Variants in L3MBTL4 observed in about 807,000 individuals in gnomAD.
L3MBTL4 encodes the protein L3MBTL histone methyl-lysine binding protein 4.
L3MBTL4 carries 70 observed loss-of-function variants against 84.5 expected under a neutral mutation model. The ratio of observed to expected loss-of-function variants is 0.83; its 90% confidence interval spans 0.68 to 1.01. The LOEUF (loss-of-function observed/expected upper bound fraction) is 1.01. L3MBTL4 is among the 50% of genes least tolerant of loss of function. The probability of loss-of-function intolerance (pLI) is 0.00; values close to 1 mark genes in which losing one functional copy is unlikely to be tolerated. For missense variants in L3MBTL4, 715 were observed against 754.8 expected (o/e 0.95, Z 0.62); for synonymous variants, 274 against 259.8 (o/e 1.05, Z -0.52).
chr18:6,002,027 A>T (rs1436880873), intron 16 of L3MBTL4, among the ~76,000 whole-genome samples: 1 of 152,224 alleles, frequency 6.6e-6, no homozygotes, highest in Non-Finnish European at 1.5e-5. Flanking sequence ...AATACAAAGA[A>T]GGAATCCTGA....
intron 17 of L3MBTL4, among the ~76,000 whole-genome samples, chr18:5,967,649 C>T (rs1015070498): frequency 5.3e-5 from 8 of 152,218 alleles, no homozygotes; most frequent in Non-Finnish European, 8.8e-5. Context: ...CAAGTGAGTG[C>T]GAGGTCAGGC....
intron 4 of L3MBTL4, among the ~76,000 whole-genome samples, chr18:6,268,407 C>CAAA (rs374801819): frequency 4.0e-5 from 6 of 148,278 alleles, no homozygotes; most frequent in African/African-American, 1.5e-4. Context: ...AACTCTGTCT[C>CAAA]AAAAAAAAAA....
intron 10 of L3MBTL4, among the ~76,000 whole-genome samples, chr18:6,227,615 C>A (rs2046830427): frequency 6.6e-6 from 1 of 152,094 alleles, no homozygotes; most frequent in African/African-American, 2.4e-5. Context: ...ATTTCCAATT[C>A]ATTTGTGAGA....
At chr18:6,189,807 C>A (rs946058832) in intron 12 of L3MBTL4, among the ~76,000 whole-genome samples, 5 of 151,966 alleles carry the variant, frequency 3.3e-5, no homozygotes, top group Non-Finnish European at 7.4e-5. Context: ...GCATAAAAGA[C>A]AGATCAATAG....
At position 6,244,574 on chromosome 18, in the gene L3MBTL4, T is replaced by C; in HGVS notation, c.234A>G (p.Pro78=). 2 of 1,611,470 alleles carry C rather than the reference T, an allele frequency of 1.2e-6. No individual in the cohort carries two copies. Among genetic ancestry groups the C allele is most frequent in the South Asian group, 2.2e-5 (2 of 90,988 alleles). ...VELFSKDQSF[P]EHENGFQIGM... ...CAATCTGAAAACCATTTTCATGCTC[T>C]GGAAAGGACTGATCCTACAAAATTT... The change falls in exon 6 of 19, where the codon CCA becomes CCG. Residue 78 remains proline (P), a synonymous_variant. Coordinates refer to ENST00000317931, the MANE Select transcript of L3MBTL4 (RefSeq NM_001330559.2).
At chr18:6,120,260 C>A (rs927388644) in intron 14 of L3MBTL4, among the ~76,000 whole-genome samples, 1 of 152,170 alleles carries the variant, frequency 6.6e-6, no homozygotes, top group Non-Finnish European at 1.5e-5. Context: ...AGCCCAGGGG[C>A]CCGGGGCCTG....
intron 13 of L3MBTL4, among the ~76,000 whole-genome samples, chr18:6,162,689 A>C (rs950386693): frequency 6.6e-6 from 1 of 152,232 alleles, no homozygotes; most frequent in Non-Finnish European, 1.5e-5. Context: ...AAGACACAGT[A>C]AAAGGGTGGT....
chr18:6,102,305 C>T (rs545720105), intron 14 of L3MBTL4, among the ~76,000 whole-genome samples: 2 of 152,160 alleles, frequency 1.3e-5, no homozygotes, highest in African/African-American at 4.8e-5. Flanking sequence ...AGACATCTAG[C>T]GAAAAGCTTT....
chr18:5,987,525 C>T lies in L3MBTL4; in HGVS notation c.1445-17963G>A, dbSNP rs115034296. Among the ~76,000 whole-genome samples, 1,129 of 152,330 alleles carry T rather than the reference C, an allele frequency of 7.4e-3. 4 individuals are homozygous for T. Among genetic ancestry groups the T allele is most frequent in the African/African-American group, 0.013 (549 of 41,568 alleles). ...ATCTGTCTTTAGCATCCTCCTACAA[C>T]GAGCAACACAGATAAATAAATCCCC... is the stretch of plus-strand genomic sequence containing the variant. On this transcript the variant is annotated intron_variant, in intron 16 of 18. Transcript: ENST00000317931.
At chr18:5,968,429 G>T (rs999531969) in intron 17 of L3MBTL4, among the ~76,000 whole-genome samples, 3 of 152,126 alleles carry the variant, frequency 2.0e-5, no homozygotes, top group African/African-American at 4.8e-5. Context: ...TAGGCAAGGT[G>T]GCTCCTGCAA....
intron 13 of L3MBTL4, among the ~76,000 whole-genome samples, chr18:6,153,848 T>C (rs1015635812): frequency 6.6e-6 from 1 of 152,178 alleles, no homozygotes; most frequent in Non-Finnish European, 1.5e-5. Context: ...TCTGCCATGA[T>C]TGTAAGTTTC....
chr18:6,166,984 A>G (rs1363579655), intron 13 of L3MBTL4, among the ~76,000 whole-genome samples: 1 of 152,202 alleles, frequency 6.6e-6, no homozygotes, highest in African/African-American at 2.4e-5. Context: ...ATAAAAAATG[A>G]CAAAGGGGAT....
At chr18:6,004,572 G>C (rs927470966) in intron 16 of L3MBTL4, among the ~76,000 whole-genome samples, 47 of 152,176 alleles carry the variant, frequency 3.1e-4, no homozygotes, top group African/African-American at 1.1e-3. Context: ...CTTCACAGAT[G>C]ACATGATCTT....
intron 16 of L3MBTL4, among the ~76,000 whole-genome samples, chr18:6,069,857 C>G (rs2057525196): frequency 6.6e-6 from 1 of 152,122 alleles, no homozygotes; most frequent in Admixed American, 6.5e-5. Flanking sequence ...TACTCAAGAA[C>G]TAAGGTCTAT....
At chr18:6,406,661 A>G (rs951186346) in intron 1 of L3MBTL4, among the ~76,000 whole-genome samples, 8 of 152,150 alleles carry the variant, frequency 5.3e-5, no homozygotes, top group African/African-American at 1.9e-4. Context: ...TCGTGAGGTG[A>G]GGCAAGGAAC....
intron 16 of L3MBTL4, among the ~76,000 whole-genome samples, chr18:6,056,627 G>A (rs1222872841): frequency 1.3e-5 from 2 of 152,166 alleles, no homozygotes; most frequent in East Asian, 3.9e-4. Context: ...CCAGGGCTCA[G>A]CCACAAAGCG....
intron 17 of L3MBTL4, among the ~76,000 whole-genome samples, chr18:5,966,399 ACCTGTC>A (rs1347618908): frequency 2.0e-5 from 3 of 152,044 alleles, no homozygotes; most frequent in African/African-American, 7.2e-5. Flanking sequence ...CAGCTCTGAC[ACCTGTC>A]CTGCTGCACC....
chr18:6,233,454 C>T (rs1227661758), intron 10 of L3MBTL4, among the ~76,000 whole-genome samples: 10 of 149,928 alleles, frequency 6.7e-5, no homozygotes, highest in East Asian at 5.8e-4. Context: ...CTTAAGCTGA[C>T]AAGCAACTTC....
chr18:6,194,729 T>C (rs2045297160), intron 12 of L3MBTL4, among the ~76,000 whole-genome samples: 1 of 151,888 alleles, frequency 6.6e-6, no homozygotes, highest in East Asian at 1.9e-4. Context: ...CTCACTGGAG[T>C]ACAGACAAGA....
Sources: gnomAD v4.1 joint callset for allele counts (sites outside exome capture counted in the v4.1 genomes callset) on GRCh38, gnomAD v4.1.1 for gene constraint, MANE v1.5 for transcripts, NCBI Gene and HGNC (gene_info 2026-07-23, HGNC 2026-07-21) for gene names.